TENM4: variants seen among roughly 807,000 people sequenced by gnomAD.
TENM4 encodes teneurin-4.
TENM4 carries 82 observed loss-of-function variants against 243.3 expected under a neutral mutation model. The observed-to-expected ratio is 0.34, with a 90% CI of 0.28 to 0.40. The LOEUF (loss-of-function observed/expected upper bound fraction) is 0.40. Ranked by LOEUF, TENM4 falls within the 10% of genes least tolerant of loss-of-function variation. The pLI is 1.00. For synonymous variants in TENM4, 1,412 were observed against 1,456.3 expected (o/e 0.97, Z 0.69); for missense variants, 3,138 against 3,673.3 (o/e 0.85, Z 3.77).
Position 79,024,984 on chromosome 11 carries a change from T to A in TENM4, c.493+39754A>T, listed in dbSNP as rs144479311. Among the ~76,000 whole-genome samples the A allele has an allele frequency of 2.0e-5, 3 of 152,260 alleles. No individual in the cohort carries two copies. In the East Asian group the frequency reaches 5.8e-4, roughly 29 times the overall value. On this transcript the variant is annotated intron_variant, in intron 6 of 33. Coordinates refer to ENST00000278550, the MANE Select transcript of TENM4 (RefSeq NM_001098816.3). ...GGGGGAAGATGTTAGGATATGCCTC[T>A]CTTGAAGACAGCAACATCCCTTGAA...
At chr11:78,879,334 C>T (rs534836722) in intron 9 of TENM4, among the ~76,000 whole-genome samples, 9 of 150,726 alleles carry the variant, frequency 6.0e-5, no homozygotes, top group African/African-American at 1.2e-4. Flanking sequence ...ATGTGAGGAG[C>T]GCCTCTGCCC....
intron 3 of TENM4, among the ~76,000 whole-genome samples, chr11:79,202,099 G>T (rs1179683809): frequency 1.3e-5 from 2 of 152,178 alleles, no homozygotes; most frequent in African/African-American, 4.8e-5. Context: ...GGGAGGAGAT[G>T]ATGTGAGTCT....
intron 12 of TENM4, among the ~76,000 whole-genome samples, chr11:78,824,375 A>T (rs1335118774): frequency 6.6e-6 from 1 of 152,170 alleles, no homozygotes; most frequent in Admixed American, 6.5e-5. Context: ...ACCCTTTAAA[A>T]TGACCAGATC....
chr11:79,254,145 AC>A (rs553530160), intron 2 of TENM4, among the ~76,000 whole-genome samples: 187 of 152,318 alleles, frequency 1.2e-3, no homozygotes, highest in African/African-American at 4.0e-3. Context: ...AAAATTTAAA[AC>A]TTTTTGGCTC....
intron 4 of TENM4, among the ~76,000 whole-genome samples, chr11:79,081,020 G>A (rs1360258356): frequency 2.0e-5 from 3 of 152,218 alleles, no homozygotes; most frequent in Admixed American, 2.0e-4. Context: ...CACTCTGTGA[G>A]GTGAGAGAGG....
chr11:79,007,538 C>G (rs900329004), intron 6 of TENM4, among the ~76,000 whole-genome samples: 2 of 152,120 alleles, frequency 1.3e-5, no homozygotes, highest in Admixed American at 6.6e-5. Context: ...GGACTCCTGA[C>G]CCATCCTTAG....
rs528575975 is a variant in TENM4, at chr11:79,051,407, T to C, written c.493+13331A>G. The stretch of plus-strand genomic sequence containing the variant: ...TGGCTCCAGAGTATGTGCTTATAAG[T>C]TGGAGTCACCAAGTGTGTGTTTGCA... On this transcript the variant is annotated intron_variant, in intron 6 of 33. Transcript: ENST00000278550. 7.9e-5 allele frequency among the ~76,000 whole-genome samples: 12 copies of C among 152,326 alleles called. No homozygotes were observed. The South Asian group carries it at 2.5e-3, about 32-fold the overall frequency.
intron 6 of TENM4, among the ~76,000 whole-genome samples, chr11:78,988,532 A>G (rs1857970489): frequency 1.3e-5 from 2 of 152,226 alleles, no homozygotes; most frequent in Admixed American, 1.3e-4. Flanking sequence ...ATGAGCTTAT[A>G]TCTTAAAGAA....
chr11:79,269,266 C>T (rs1855929966), intron 2 of TENM4, among the ~76,000 whole-genome samples: 1 of 152,186 alleles, frequency 6.6e-6, no homozygotes, highest in Non-Finnish European at 1.5e-5. Flanking sequence ...CCTAATGCTG[C>T]AATAAAGCTA....
intron 6 of TENM4, among the ~76,000 whole-genome samples, chr11:78,906,756 C>A (rs566814904): frequency 6.6e-6 from 1 of 152,314 alleles, no homozygotes; most frequent in African/African-American, 2.4e-5. Context: ...TTCATTTCCT[C>A]CCCAAGAGCA....
chr11:78,903,243 C>T (rs1245145512), intron 7 of TENM4, 25 bp downstream of exon 7: 3 of 1,485,110 alleles, frequency 2.0e-6, no homozygotes, highest in Non-Finnish European at 2.7e-6. Flanking sequence ...CCTCCTCAGC[C>T]TCACCCTCCC....
At chr11:78,798,989 C>T (rs1450289128) in intron 15 of TENM4, among the ~76,000 whole-genome samples, 1 of 152,120 alleles carries the variant, frequency 6.6e-6, no homozygotes, top group Non-Finnish European at 1.5e-5. Context: ...ATCCTCGGTG[C>T]CTAAAACAGT....
At chr11:79,163,032 G>T (rs693021) in intron 3 of TENM4, among the ~76,000 whole-genome samples, 13 of 151,980 alleles carry the variant, frequency 8.6e-5, no homozygotes, top group Non-Finnish European at 1.3e-4. Context: ...TGCCTAAAAG[G>T]TCCCTAGACC....
At chr11:79,400,836 C>T (rs1297421231) in intron 1 of TENM4, among the ~76,000 whole-genome samples, 2 of 152,164 alleles carry the variant, frequency 1.3e-5, no homozygotes, top group African/African-American at 4.8e-5. Context: ...AGTTTGCCAT[C>T]GTTCCACTTT....
intron 1 of TENM4, among the ~76,000 whole-genome samples, chr11:79,413,145 T>C (rs1858737492): frequency 6.6e-6 from 1 of 152,218 alleles, no homozygotes; most frequent in Non-Finnish European, 1.5e-5. Flanking sequence ...AACCAAAAAA[T>C]AGAATGAGAA....
At chr11:79,024,258 T>C (rs1356934352) in intron 6 of TENM4, among the ~76,000 whole-genome samples, 1 of 152,206 alleles carries the variant, frequency 6.6e-6, no homozygotes, top group Non-Finnish European at 1.5e-5. Flanking sequence ...GATCTTTACC[T>C]AGAATGAAAA....
intron 28 of TENM4, 124 bp downstream of exon 28, chr11:78,701,402 G>A (rs1859098066): frequency 8.1e-7 from 1 of 1,236,558 alleles, no homozygotes; most frequent in African/African-American, 1.5e-5. Flanking sequence ...CATGTAGAAT[G>A]TATTATAAGT....
chr11:79,244,432 T>A (rs569459747), intron 2 of TENM4, among the ~76,000 whole-genome samples: 1 of 141,864 alleles, frequency 7.0e-6, no homozygotes, highest in Non-Finnish European at 1.5e-5. Flanking sequence ...CAGGGCTGTA[T>A]GTGTCTATGT....
chr11:79,353,184 G>A (rs560301307), intron 1 of TENM4, among the ~76,000 whole-genome samples: 1 of 152,276 alleles, frequency 6.6e-6, no homozygotes, highest in South Asian at 2.1e-4. Context: ...TACTTGCTGA[G>A]GGCTGGAGGA....
Sources: gnomAD v4.1 joint callset for allele counts (sites outside exome capture counted in the v4.1 genomes callset) on GRCh38, gnomAD v4.1.1 for gene constraint, MANE v1.5 for transcripts, NCBI Gene and HGNC (gene_info 2026-07-23, HGNC 2026-07-21) for gene names.